The following HVCN1 variants were observed in gnomAD, a reference collection of about 807,000 sequenced individuals.
HVCN1 encodes the protein voltage-gated hydrogen channel 1.
In HVCN1, 14 loss-of-function variants were observed where a neutral mutation model predicts 29.2. The ratio of observed to expected loss-of-function variants is 0.48; its 90% confidence interval spans 0.32 to 0.75. The LOEUF is 0.75. HVCN1 is among the 30% of genes least tolerant of loss of function. The pLI is 0.04. For missense variants in HVCN1, 263 were observed against 341.8 expected, an observed-to-expected ratio of 0.77 and a Z score of 1.82; for synonymous variants, 131 against 133.2, an observed-to-expected ratio of 0.98 and a Z score of 0.11.
chr12:110,651,499 C>T lies in HVCN1; in HGVS notation c.412-51G>A, dbSNP rs764475857. ...AGGGGAGATTGGGCCTCTGGGAGGT[C>T]AAGCTGCCCTCACATGCACCTGCCT... On this transcript the variant is annotated intron_variant, in intron 5 of 7. Transcript: ENST00000242607. 2.1e-5 allele frequency: 26 copies of T among 1,256,484 alleles called. No homozygotes were observed. The Admixed American group carries it at 4.4e-4, about 21-fold the overall frequency. 77.8% of individuals were successfully genotyped at this position (1,256,484 alleles called of 1,614,324 possible).
At chr12:110,696,329 G>C (rs1286147102) in intron 2 of HVCN1, among the ~76,000 whole-genome samples, 2 of 152,098 alleles carry the variant, frequency 1.3e-5, no homozygotes, top group Non-Finnish European at 2.9e-5. Flanking sequence ...CCATTATCAA[G>C]CATACGGCTG....
At chr12:110,689,200 G>A (rs1429992915), upstream of HVCN1, 3 of 31,578 alleles carry the variant, frequency 9.5e-5, no homozygotes, top group East Asian at 1.6e-3. This position sits in a 1 kb window ranked among gnomAD's most constrained non-coding sequence, Gnocchi z 5.7. Flanking sequence ...CCCCGCCCCC[G>A]TCCCCGCCCC....
At chr12:110,666,771 G>A (rs1313391434) in intron 3 of HVCN1, among the ~76,000 whole-genome samples, 1 of 152,098 alleles carries the variant, frequency 6.6e-6, no homozygotes, top group South Asian at 2.1e-4. Flanking sequence ...TAAAATGTCA[G>A]TTCCTCAAAG....
chr12:110,661,125 C>T lies in HVCN1; in HGVS notation c.306+39G>A. ...TGCCTCACATTCCCCGATGGCTCTC[C>T]TGCCAGCTCTGGGTATCCCGGACTC... On this transcript the variant is annotated intron_variant, in intron 4 of 7. Coordinates refer to ENST00000242607, the MANE Select transcript of HVCN1 (RefSeq NM_032369.4). This position sits in a 1 kb window ranked among gnomAD's most constrained non-coding sequence, Gnocchi z 6.2. The T allele has an allele frequency of 6.4e-7, 1 of 1,550,864 alleles. No homozygotes were observed. Among genetic ancestry groups the T allele is most frequent in the Non-Finnish European group, 8.7e-7 (1 of 1,146,202 alleles).
chr12:110,657,402 G>C (rs1227535446), intron 4 of HVCN1, among the ~76,000 whole-genome samples: 1 of 152,014 alleles, frequency 6.6e-6, no homozygotes, highest in Non-Finnish European at 1.5e-5. Context: ...GGCTGAGGTA[G>C]GAGAATCGCT....
At chr12:110,695,211 C>T (rs1052309302) in intron 2 of HVCN1, among the ~76,000 whole-genome samples, 5 of 152,090 alleles carry the variant, frequency 3.3e-5, no homozygotes, top group Non-Finnish European at 7.3e-5. Context: ...GAGTTCAAAA[C>T]CAGCCTGGGA....
At chr12:110,677,600 G>C (rs1008076061) in intron 3 of HVCN1, among the ~76,000 whole-genome samples, 1 of 152,154 alleles carries the variant, frequency 6.6e-6, no homozygotes, top group East Asian at 1.9e-4. Context: ...TCTTCTCTGT[G>C]GGGAGGCAAG....
chr12:110,652,212 G>A (rs879400671), intron 5 of HVCN1, among the ~76,000 whole-genome samples: 11 of 152,134 alleles, frequency 7.2e-5, no homozygotes, highest in Non-Finnish European at 1.5e-4. Flanking sequence ...TGGCCAACAT[G>A]GTGAAAACCT....
At chr12:110,664,388 A>G (rs1247254482) in intron 3 of HVCN1, among the ~76,000 whole-genome samples, 2 of 152,212 alleles carry the variant, frequency 1.3e-5, no homozygotes, top group Non-Finnish European at 2.9e-5. Flanking sequence ...GAATAAGAAC[A>G]ATGTCACACC....
chr12:110,689,520 T>G (rs1321981389), upstream of HVCN1: 1 of 152,762 alleles, frequency 6.5e-6, no homozygotes, highest in African/African-American at 2.4e-5. The surrounding 1 kb of genome is among the most constrained non-coding windows in gnomAD (Gnocchi z 5.7). Context: ...TCGGGGAGCT[T>G]CTGCTCCATC....
chr12:110,673,440 A>G (rs2068648367), intron 3 of HVCN1, among the ~76,000 whole-genome samples: 2 of 152,212 alleles, frequency 1.3e-5, no homozygotes, highest in African/African-American at 2.4e-5. Context: ...TGTGATAGAA[A>G]AGAAAAACCC....
In HVCN1 at chr12:110,662,392, C is replaced by T. The variant is rs2068207837; in HGVS notation, c.22-944G>A. On this transcript the variant is annotated intron_variant, in intron 3 of 7. Coordinates refer to ENST00000242607, the MANE Select transcript of HVCN1 (RefSeq NM_032369.4). ...ATGAGCTTAGGATAGGAAAAGATTG[C>T]TTAAATAACACAAAACACCACAAAA... Among the ~76,000 whole-genome samples the T allele has an allele frequency of 3.3e-5, 5 of 152,158 alleles. No homozygotes were observed. In the South Asian group the frequency reaches 1.0e-3, roughly 32 times the overall value.
At chr12:110,655,709 T>G (rs1047055555) in intron 4 of HVCN1, among the ~76,000 whole-genome samples, 19 of 151,698 alleles carry the variant, frequency 1.3e-4, no homozygotes, top group Non-Finnish European at 2.5e-4. Context: ...TAATCAGTTT[T>G]TTTTTTTTTT....
intron 4 of HVCN1, among the ~76,000 whole-genome samples, chr12:110,660,164 G>A (rs1382625764): frequency 6.6e-6 from 1 of 151,834 alleles, no homozygotes; most frequent in African/African-American, 2.4e-5. Context: ...ATCACCTGAG[G>A]TCAGGAGTTC....
At chr12:110,660,597 A>G (rs1478342090) in intron 4 of HVCN1, among the ~76,000 whole-genome samples, 3 of 152,224 alleles carry the variant, frequency 2.0e-5, no homozygotes, top group African/African-American at 4.8e-5. Context: ...AAAATTTACC[A>G]TTTTAAAGTT....
intron 3 of HVCN1, among the ~76,000 whole-genome samples, chr12:110,667,075 C>T (rs2068392794): frequency 1.3e-5 from 2 of 152,130 alleles, no homozygotes; most frequent in East Asian, 3.9e-4. Flanking sequence ...TCTCTGGACT[C>T]CCAGGGCTGG....
intron 3 of HVCN1, among the ~76,000 whole-genome samples, chr12:110,667,301 G>A (rs904665234): frequency 6.6e-5 from 10 of 152,026 alleles, no homozygotes; most frequent in Admixed American, 5.2e-4. Flanking sequence ...ACCTGGCTAA[G>A]TTTTGTAATT....
At position 110,661,148 on chromosome 12, in the gene HVCN1, C is replaced by T. The variant is rs765700368; in HGVS notation, c.306+16G>A. 6.3e-7 allele frequency: 1 copy of T among 1,580,162 alleles called. No individual in the cohort carries two copies. Among genetic ancestry groups the T allele is most frequent in the Non-Finnish European group, 8.6e-7 (1 of 1,160,482 alleles). Reference sequence around the variant, plus strand: ...TCCTGCCAGCTCTGGGTATCCCGGACTCCTGCCCCACCTACCTGAAACCTG... The same window carrying T: ...TCCTGCCAGCTCTGGGTATCCCGGATTCCTGCCCCACCTACCTGAAACCTG... On this transcript the variant is annotated intron_variant, in intron 4 of 7. Coordinates refer to ENST00000242607, the MANE Select transcript of HVCN1 (RefSeq NM_032369.4). This position sits in a 1 kb window ranked among gnomAD's most constrained non-coding sequence, Gnocchi z 6.2.
At chr12:110,696,032 A>G (rs2069484576) in intron 2 of HVCN1, among the ~76,000 whole-genome samples, 1 of 150,062 alleles carries the variant, frequency 6.7e-6, no homozygotes, top group South Asian at 2.1e-4. Context: ...AGCTCACTGC[A>G]ACCTCTGCCT....
Sources: allele counts gnomAD v4.1 joint callset (sites outside exome capture counted in the v4.1 genomes callset), GRCh38; gene constraint gnomAD v4.1.1; non-coding constraint Gnocchi (gnomAD v3.1); transcripts MANE v1.5; gene names NCBI Gene and HGNC (gene_info 2026-07-23, HGNC 2026-07-21).